Variants in CREB5 observed in about 807,000 individuals in gnomAD.
The protein encoded by CREB5 is cyclic AMP-responsive element-binding protein 5.
A neutral mutation model predicts 57.1 loss-of-function variants in CREB5; 19 were observed. The observed-to-expected ratio is 0.33, with a 90% confidence interval of 0.23 to 0.49. The LOEUF is 0.49. Ranked by LOEUF, CREB5 falls within the 20% of genes least tolerant of loss-of-function variation. The pLI is 0.99. For missense variants in CREB5, 579 were observed against 671.6 expected (o/e 0.86, Z 1.52); for synonymous variants, 238 against 238.3 (o/e 1.00, Z 0.01).
intron 4 of CREB5, among the ~76,000 whole-genome samples, chr7:28,550,499 A>G (rs950017049): frequency 1.3e-5 from 2 of 152,194 alleles, no homozygotes; most frequent in African/African-American, 4.8e-5. Flanking sequence ...TTTACAGTTT[A>G]AAAGTGACTC....
intron 4 of CREB5, among the ~76,000 whole-genome samples, chr7:28,539,944 A>G (rs1323353136): frequency 1.3e-5 from 2 of 152,154 alleles, no homozygotes; most frequent in African/African-American, 4.8e-5. Flanking sequence ...TTTCTCATTC[A>G]TTGGGCATAA....
At chr7:28,638,684 C>G (rs1733706919) in intron 5 of CREB5, among the ~76,000 whole-genome samples, 2 of 152,018 alleles carry the variant, frequency 1.3e-5, no homozygotes, top group African/African-American at 4.8e-5. Context: ...AGAGAATGCA[C>G]CAATACAATT....
chr7:28,818,632 T>C (rs948740945), intron 10 of CREB5: 10 of 409,310 alleles, frequency 2.4e-5, no homozygotes, highest in Non-Finnish European at 3.8e-5. Flanking sequence ...ATATGTAAAA[T>C]GATCCCTTCC....
rs566807076 is a variant in CREB5, at chr7:28,770,091, G to A, written c.703-34108G>A. Among the ~76,000 whole-genome samples the A allele has an allele frequency of 1.2e-4, 19 of 152,312 alleles. No homozygotes were observed. In the East Asian group the frequency reaches 1.7e-3, roughly 14 times the overall value. ...CCTACAACAACTTCTTCCAACAGCC[G>A]CATTCCTGTCTCTAATGGAAAATTT... On this transcript the variant is annotated intron_variant, in intron 7 of 10. Coordinates refer to ENST00000357727, the MANE Select transcript of CREB5 (RefSeq NM_182898.4).
At chr7:28,699,263 T>C (rs914208624) in intron 5 of CREB5, among the ~76,000 whole-genome samples, 2 of 152,060 alleles carry the variant, frequency 1.3e-5, no homozygotes, top group Non-Finnish European at 2.9e-5. Context: ...TTTGCTGCCC[T>C]GTGAAAGTGA....
intron 5 of CREB5, among the ~76,000 whole-genome samples, chr7:28,658,047 T>C (rs1799405705): frequency 6.6e-6 from 1 of 152,178 alleles, no homozygotes; most frequent in South Asian, 2.1e-4. Flanking sequence ...AACAATATAT[T>C]TGTGACCATG....
intron 1 of CREB5, among the ~76,000 whole-genome samples, chr7:28,368,519 C>T (rs1480679172): frequency 2.0e-5 from 3 of 152,214 alleles, no homozygotes; most frequent in African/African-American, 7.2e-5. Context: ...GCTAACAGAA[C>T]TCCAATCACA....
chr7:28,624,526 C>T (rs903750934), intron 5 of CREB5, among the ~76,000 whole-genome samples: 1 of 152,128 alleles, frequency 6.6e-6, no homozygotes, highest in African/African-American at 2.4e-5. Flanking sequence ...TAAAGATTAA[C>T]AGGCTGTGTA....
intron 4 of CREB5, among the ~76,000 whole-genome samples, chr7:28,532,666 T>C (rs1177868364): frequency 1.3e-5 from 2 of 152,232 alleles, no homozygotes; most frequent in Non-Finnish European, 1.5e-5. Flanking sequence ...TGAAAATTGG[T>C]ATATTTTATT....
At chr7:28,330,092 T>G (rs1785685514) in intron 1 of CREB5, among the ~76,000 whole-genome samples, 1 of 152,224 alleles carries the variant, frequency 6.6e-6, no homozygotes, top group African/African-American at 2.4e-5. Flanking sequence ...AAGATGCCCT[T>G]GCTTGGCCAC....
rs183020073 is a variant in CREB5, at chr7:28,570,286, G to C, written c.292-79G>C. On this transcript the variant is annotated intron_variant, in intron 4 of 10. Coordinates refer to ENST00000357727, the MANE Select transcript of CREB5 (RefSeq NM_182898.4). ...TGTAGTTGACATGACTAGATTCCCA[G>C]TTTTGGCCTTTGAGAGCTTGAGAGT... 2.3e-3 allele frequency: 3,372 copies of C among 1,478,902 alleles called. 9 individuals are homozygous for C. The highest frequency in any genetic ancestry group is 4.3e-3 in the Middle Eastern group (24 of 5,586). 91.6% of individuals were successfully genotyped at this position (1,478,902 alleles called of 1,614,324 possible).
intron 7 of CREB5, among the ~76,000 whole-genome samples, chr7:28,798,424 C>G (rs1287689725): frequency 6.6e-6 from 1 of 152,222 alleles, no homozygotes; most frequent in East Asian, 1.9e-4. Context: ...CACAAGCATG[C>G]ACGCTCGTGG....
At chr7:28,590,934 G>T (rs967991483) in intron 5 of CREB5, among the ~76,000 whole-genome samples, 2 of 152,186 alleles carry the variant, frequency 1.3e-5, no homozygotes, top group African/African-American at 4.8e-5. Context: ...GTGGTTAGGA[G>T]TAAGTGTATT....
chr7:28,376,461 A>T (rs1398067685), intron 1 of CREB5, among the ~76,000 whole-genome samples: 7 of 151,848 alleles, frequency 4.6e-5, no homozygotes, highest in Admixed American at 4.6e-4. Flanking sequence ...GTAGAGACGA[A>T]GTTTCGCCAT....
chr7:28,582,290 C>A lies in CREB5; in HGVS notation c.464+11753C>A, dbSNP rs574015297. ...TTGGAATTTAGGGGTAGAGAAAGGC[C>A]AAGGGAAATGGCCTTCATCAGCAAG... On this transcript the variant is annotated intron_variant, in intron 5 of 10. Transcript: ENST00000357727. Among the ~76,000 whole-genome samples the A allele has an allele frequency of 2.0e-5, 3 of 152,176 alleles. No homozygotes were observed. The East Asian group carries it at 5.8e-4, about 29-fold the overall frequency.
At chr7:28,362,940 A>G (rs1343773485) in intron 1 of CREB5, among the ~76,000 whole-genome samples, 1 of 152,198 alleles carries the variant, frequency 6.6e-6, no homozygotes, top group South Asian at 2.1e-4. Context: ...ATGTGTGCAC[A>G]GGGTTTTAAA....
At chr7:28,545,684 ATAAAC>A (rs1179695496) in intron 4 of CREB5, among the ~76,000 whole-genome samples, 2 of 152,222 alleles carry the variant, frequency 1.3e-5, no homozygotes, top group Non-Finnish European at 2.9e-5. Context: ...AATTAACACT[ATAAAC>A]TAACTTCTCA....
intron 5 of CREB5, among the ~76,000 whole-genome samples, chr7:28,637,597 G>C (rs1798474793): frequency 6.6e-6 from 1 of 152,304 alleles, no homozygotes; most frequent in African/African-American, 2.4e-5. Flanking sequence ...TGACGTTTCA[G>C]ATGAGACCCC....
intron 1 of CREB5, among the ~76,000 whole-genome samples, chr7:28,365,777 C>A (rs1032427818): frequency 1.4e-4 from 21 of 152,282 alleles, no homozygotes; most frequent in African/African-American, 5.1e-4. Flanking sequence ...CGCAGCCAAA[C>A]GCTCCCTCTT....
Sources: allele counts gnomAD v4.1 joint callset (sites outside exome capture counted in the v4.1 genomes callset), GRCh38; gene constraint gnomAD v4.1.1; transcripts MANE v1.5; gene names NCBI Gene and HGNC (gene_info 2026-07-23, HGNC 2026-07-21).